Variants in TENM3 observed in about 807,000 individuals in gnomAD.
TENM3 encodes teneurin-3.
TENM3 carries 63 observed loss-of-function variants against 255.1 expected under a neutral mutation model. The observed-to-expected ratio is 0.25, with a 90% confidence interval of 0.20 to 0.30. TENM3 has a LOEUF of 0.30. Among genes scored for constraint, TENM3 ranks in the 10% least tolerant of loss-of-function variants. TENM3 has a pLI of 1.00. For synonymous variants in TENM3, 1,306 were observed against 1,322.3 expected, an observed-to-expected ratio of 0.99 and a Z score of 0.27; for missense variants, 2,929 against 3,461.1, an observed-to-expected ratio of 0.85 and a Z score of 3.86.
chr4:182,600,897 C>CTTTTTTTTT (rs548783934), intron 3 of TENM3, 27 bp from the exon 4 acceptor site: 9 of 496,374 alleles, frequency 1.8e-5, no homozygotes, highest in Admixed American at 4.0e-5. Context: ...AGTTCTCTTT[C>CTTTTTTTTT]TTTTTTTTTT....
chr4:182,186,274 G>C (rs1345552709), intron 1 of TENM3, among the ~76,000 whole-genome samples: 1 of 152,140 alleles, frequency 6.6e-6, no homozygotes, highest in African/African-American at 2.4e-5. Flanking sequence ...TTAAAATGTA[G>C]AGAAAGTAGG....
chr4:182,168,165 C>T (rs530213173), intron 1 of TENM3, among the ~76,000 whole-genome samples: 1 of 151,444 alleles, frequency 6.6e-6, no homozygotes, highest in East Asian at 1.9e-4. Context: ...GACAGGGTCT[C>T]ACTGCAACAC....
chr4:181,507,599 G>A, the TENM3 span, among the ~76,000 whole-genome samples: 47,295 of 152,120 alleles, frequency 0.31, 8,477 homozygotes, highest in Non-Finnish European at 0.41. Context: ...CCTGCAGTCA[G>A]CCTCACAAAT....
At chr4:182,338,541 G>A (rs1463630032) in intron 2 of TENM3, among the ~76,000 whole-genome samples, 1 of 152,078 alleles carries the variant, frequency 6.6e-6, no homozygotes, top group Admixed American at 6.6e-5. Flanking sequence ...GTTTTTAAAT[G>A]TTTCTTTATA....
intron 1 of TENM3, among the ~76,000 whole-genome samples, chr4:182,292,900 AACTAGGGGGAGAGGTAG>A (rs1191644966): frequency 7.9e-5 from 12 of 152,184 alleles, no homozygotes; most frequent in African/African-American, 2.7e-4. Flanking sequence ...TGGAGGAGTT[AACTAGGGGGAGAGGTAG>A]ACACAGTCCC....
the TENM3 span, among the ~76,000 whole-genome samples, chr4:181,759,411 A>C: frequency 6.6e-6 from 1 of 152,160 alleles, no homozygotes; most frequent in East Asian, 1.9e-4. Flanking sequence ...AGGATAAACA[A>C]GAAGTGCCTG....
chr4:182,382,073 T>A (rs1767611866), intron 3 of TENM3, among the ~76,000 whole-genome samples: 1 of 152,152 alleles, frequency 6.6e-6, no homozygotes, highest in Non-Finnish European at 1.5e-5. Context: ...AAAGAGGGAA[T>A]TATATGGTAG....
intron 3 of TENM3, among the ~76,000 whole-genome samples, chr4:182,377,440 A>G (rs1178495210): frequency 6.6e-6 from 1 of 152,042 alleles, no homozygotes. Context: ...CAGCCTTGCG[A>G]ATAGCTGGTA....
chr4:181,677,160 G>C, the TENM3 span, among the ~76,000 whole-genome samples: 3 of 151,812 alleles, frequency 2.0e-5, no homozygotes, highest in Non-Finnish European at 4.4e-5. Flanking sequence ...TGTCCATTGC[G>C]TTCTTTAACA....
chr4:181,518,450 C>T, the TENM3 span, among the ~76,000 whole-genome samples: 12 of 152,042 alleles, frequency 7.9e-5, no homozygotes, highest in East Asian at 1.9e-4. Context: ...TTATTTGAGA[C>T]GGAGTCTCAC....
At chr4:182,442,903 T>C (rs939379537) in intron 3 of TENM3, among the ~76,000 whole-genome samples, 1 of 151,872 alleles carries the variant, frequency 6.6e-6, no homozygotes, top group Admixed American at 6.6e-5. Flanking sequence ...TGGGTTCTTT[T>C]CTGTAGAGAT....
At chr4:182,159,979 A>G (rs1751001478) in intron 1 of TENM3, among the ~76,000 whole-genome samples, 2 of 152,164 alleles carry the variant, frequency 1.3e-5, no homozygotes, top group South Asian at 4.1e-4. Flanking sequence ...AAATCTACCT[A>G]TACAGGGACA....
At chr4:182,096,807 A>G in the TENM3 span, among the ~76,000 whole-genome samples, 2 of 152,166 alleles carry the variant, frequency 1.3e-5, no homozygotes, top group Admixed American at 6.5e-5. Context: ...AAGAGTATCA[A>G]TCAGCAAAGT....
In TENM3 at chr4:182,310,792, C is replaced by T. The variant is rs770201877; in HGVS notation, c.-75-13154C>T. ...CACGATCTTGGCTCACTGCAGCCTC[C>T]GTCTCCTGGGTTCAAGCGATTCTCC... is the stretch of plus-strand genomic sequence containing the variant. On this transcript the variant is annotated intron_variant, in intron 1 of 27. Transcript: ENST00000511685. 4.9e-4 allele frequency among the ~76,000 whole-genome samples: 74 copies of T among 151,832 alleles called. No homozygotes were observed. The Middle Eastern group carries it at 0.017, about 35-fold the overall frequency.
intron 7 of TENM3, among the ~76,000 whole-genome samples, chr4:182,673,802 G>A (rs999312004): frequency 1.3e-5 from 2 of 152,158 alleles, no homozygotes; most frequent in Non-Finnish European, 2.9e-5. Context: ...TGGTACACAA[G>A]ACAATTCACA....
intron 1 of TENM3, among the ~76,000 whole-genome samples, chr4:182,197,331 A>G (rs892874881): frequency 1.3e-5 from 2 of 152,212 alleles, no homozygotes; most frequent in African/African-American, 4.8e-5. Context: ...CTATGCCACG[A>G]TAACCCTGCC....
chr4:182,625,537 T>C (rs968443179), intron 4 of TENM3, among the ~76,000 whole-genome samples: 1 of 152,172 alleles, frequency 6.6e-6, no homozygotes, highest in Non-Finnish European at 1.5e-5. Context: ...AACCGGTCCC[T>C]GGTGCCAAAA....
the TENM3 span, among the ~76,000 whole-genome samples, chr4:182,014,948 A>G: frequency 1.1e-4 from 16 of 152,250 alleles, no homozygotes; most frequent in African/African-American, 3.4e-4. Context: ...CTATAAAAGC[A>G]AAGTCTGGAA....
intron 3 of TENM3, among the ~76,000 whole-genome samples, chr4:182,381,852 C>T (rs1311885772): frequency 6.6e-6 from 1 of 152,216 alleles, no homozygotes. Context: ...TGAGCCACCA[C>T]ACCGGGCCTA....
Sources: gnomAD v4.1 joint callset for allele counts (sites outside exome capture counted in the v4.1 genomes callset) on GRCh38, gnomAD v4.1.1 for gene constraint, MANE v1.5 for transcripts, NCBI Gene and HGNC (gene_info 2026-07-23, HGNC 2026-07-21) for gene names.